The following NFATC2 variants were observed in gnomAD, a reference collection of about 807,000 sequenced individuals.
NFATC2 encodes the protein nuclear factor of activated T cells 2, also known as nuclear factor of activated T-cells, cytoplasmic 2.
In NFATC2, 22 loss-of-function variants were observed where a neutral mutation model predicts 87.3. The ratio of observed to expected loss-of-function variants is 0.25; its 90% CI spans 0.18 to 0.36. NFATC2 has a LOEUF of 0.36. Ranked by LOEUF, NFATC2 falls within the 10% of genes least tolerant of loss-of-function variation. The pLI, the probability that NFATC2 is intolerant of heterozygous loss-of-function variation, is 1.00. For synonymous variants in NFATC2, 565 were observed against 542.2 expected (o/e 1.04, Z -0.58); for missense variants, 1,149 against 1,259.1 (o/e 0.91, Z 1.32).
chr20:51,540,578 G>A (rs1178502800), intron 1 of NFATC2, among the ~76,000 whole-genome samples: 2 of 150,836 alleles, frequency 1.3e-5, no homozygotes, highest in African/African-American at 4.9e-5. Context: ...CAGGGTATTG[G>A]GTATATGGGA....
In NFATC2 at chr20:51,532,661, AG is replaced by A. The variant is rs149750705; in HGVS notation, c.131-8552del. On this transcript the variant is annotated intron_variant, in intron 1 of 10. Transcript: ENST00000371564. Reference sequence around the variant, plus strand: ...GCAGACGGACACACAGCCAAGTCTGAGGTGGCCGCTCGCTCAGCGCCAACCC... The same window carrying A: ...GCAGACGGACACACAGCCAAGTCTGAGTGGCCGCTCGCTCAGCGCCAACCC... Among the ~76,000 whole-genome samples, 917 of 152,356 alleles carry A rather than the reference AG, an allele frequency of 6.0e-3. 7 individuals carry two copies. Among genetic ancestry groups the A allele is most frequent in the Non-Finnish European group, 0.011 (735 of 68,034 alleles).
intron 9 of NFATC2, among the ~76,000 whole-genome samples, chr20:51,402,945 G>A (rs1401284163): frequency 6.6e-6 from 1 of 152,148 alleles, no homozygotes; most frequent in Non-Finnish European, 1.5e-5. Flanking sequence ...TTCCAGTCCA[G>A]TCTCCATCTC....
chr20:51,394,600 C>G lies in NFATC2; in HGVS notation c.*45-3149G>C, dbSNP rs77942466. On this transcript the variant is annotated intron_variant, in intron 10 of 10. Coordinates refer to ENST00000371564, the MANE Select transcript of NFATC2 (RefSeq NM_012340.5). ...GCTGCGCTGATGCTCTCCTTCCCCC[C>G]ATATCCCTTAGATGATGCCTTGGTG... 4.6e-3 allele frequency among the ~76,000 whole-genome samples: 701 copies of G among 152,072 alleles called. 5 individuals are homozygous for G. The highest frequency in any genetic ancestry group is 0.016 in the African/African-American group (650 of 41,348).
chr20:51,535,319 T>C (rs1041526698), intron 1 of NFATC2, among the ~76,000 whole-genome samples: 6 of 152,256 alleles, frequency 3.9e-5, no homozygotes, highest in African/African-American at 1.4e-4. Flanking sequence ...CAGCCACCTC[T>C]GCGAGTTTGG....
intron 6 of NFATC2, among the ~76,000 whole-genome samples, chr20:51,436,409 T>TTA (rs1555876805): frequency 9.7e-4 from 145 of 149,630 alleles, no homozygotes; most frequent in East Asian, 6.0e-3. Context: ...TTTTTTTTTT[T>TTA]AAAAAGGCAT....
intron 3 of NFATC2, among the ~76,000 whole-genome samples, chr20:51,505,000 T>C (rs886715963): frequency 2.7e-5 from 1 of 37,554 alleles, no homozygotes; most frequent in Non-Finnish European, 4.5e-5. Context: ...ATCTAGTTCC[T>C]TTTTTTTTTT....
At chr20:51,462,507 C>G (rs995187176) in intron 5 of NFATC2, among the ~76,000 whole-genome samples, 27 of 152,228 alleles carry the variant, frequency 1.8e-4, no homozygotes, top group Admixed American at 1.3e-3. Flanking sequence ...ATTGCAGGCA[C>G]AACATATACA....
chr20:51,432,511 G>C lies in NFATC2; in HGVS notation c.2278C>G (p.Pro760Ala). 1 of 1,556,502 alleles carries C rather than the reference G, an allele frequency of 6.4e-7. No individual in the cohort carries two copies. The highest frequency in any genetic ancestry group is 1.4e-5 in the African/African-American group (1 of 73,260). ...VLYQRSKSLS[P>A]SLLGYQQPAL... ...GGCTGCTGATAGCCCAGCAGGCTGG[G>C]GCTCAGGCTCTTGCTCCGCTGGTAG... The change falls in exon 9 of 11, where the codon CCC becomes GCC. Residue 760 changes from proline to alanine, a missense_variant. This residue lies in a region of NFATC2 where 581 missense variants were observed against 649.7 expected (regional missense o/e 0.89). Transcript: ENST00000371564. The surrounding 1 kb of genome is among the most constrained non-coding windows in gnomAD (Gnocchi z 4.6).
At chr20:51,419,302 T>C (rs1980529465) in intron 9 of NFATC2, among the ~76,000 whole-genome samples, 1 of 152,212 alleles carries the variant, frequency 6.6e-6, no homozygotes, top group Non-Finnish European at 1.5e-5. Flanking sequence ...ATATAAAAAC[T>C]ATACTTCCCA....
Position 51,454,693 on chromosome 20 carries a change from A to G in NFATC2, c.1709-5T>C, listed in dbSNP as rs1381230462. 6.2e-7 allele frequency: 1 copy of G among 1,613,666 alleles called. No homozygotes were observed. The highest frequency in any genetic ancestry group is 8.5e-7 in the Non-Finnish European group (1 of 1,179,890). On this transcript the variant is annotated splice_region_variant and splice_polypyrimidine_tract_variant and intron_variant, in intron 5 of 10. Transcript: ENST00000371564. ...GCTCGTGAGCAGATCGCTGGGCTGC[A>G]GGCAAAAGAGAGAGAAGTCACTGTG... is the stretch of plus-strand genomic sequence containing the variant.
intron 6 of NFATC2, among the ~76,000 whole-genome samples, chr20:51,451,815 G>A (rs6126235): frequency 2.6e-5 from 4 of 152,308 alleles, no homozygotes; most frequent in East Asian, 1.9e-4. Context: ...CTGATCATCC[G>A]TTACTGTCTC....
In NFATC2 at chr20:51,474,016, C is replaced by G; in HGVS notation, c.1672G>C (p.Val558Leu). The G allele has an allele frequency of 6.2e-7, 1 of 1,614,234 alleles. No individual in the cohort carries two copies. The highest frequency in any genetic ancestry group is 8.5e-7 in the Non-Finnish European group (1 of 1,180,040). ...GGGTTAGATGCAGTCTGTAAAGAGACGATTCTGCCACTGGACTCTGGGATG... is the reference window on the plus strand; with the variant it reads ...GGGTTAGATGCAGTCTGTAAAGAGAGGATTCTGCCACTGGACTCTGGGATG... ...VHIPESSGRI[V>L]SLQTASNPIE... The change falls in exon 5 of 11, where the codon GTC becomes CTC. Residue 558 changes from valine (V) to leucine (L), a missense_variant. By Grantham distance (32) the Val-to-Leu change is conservative (BLOSUM62 1). This residue lies in a region of NFATC2 where 581 missense variants were observed against 649.7 expected (regional missense o/e 0.89). Coordinates refer to ENST00000371564, the MANE Select transcript of NFATC2 (RefSeq NM_012340.5).
At chr20:51,491,821 A>AT (rs2075889616) in intron 3 of NFATC2, among the ~76,000 whole-genome samples, 1 of 149,692 alleles carries the variant, frequency 6.7e-6, no homozygotes, top group Non-Finnish European at 1.5e-5. Flanking sequence ...TCTCCCATTG[A>AT]TTTTCACATC....
intron 3 of NFATC2, among the ~76,000 whole-genome samples, chr20:51,515,635 C>T (rs138040248): frequency 1.0e-3 from 156 of 149,452 alleles, no homozygotes; most frequent in African/African-American, 3.8e-3. Context: ...GGTCAAGAAC[C>T]AAAACTCAAT....
intron 10 of NFATC2, among the ~76,000 whole-genome samples, chr20:51,391,663 C>A (rs726346): frequency 6.6e-6 from 1 of 151,572 alleles, no homozygotes; most frequent in African/African-American, 2.4e-5. Context: ...TACAGGTGCA[C>A]GCCACCACAC....
At chr20:51,518,796 T>C (rs1343719035) in intron 2 of NFATC2, among the ~76,000 whole-genome samples, 1 of 152,230 alleles carries the variant, frequency 6.6e-6, no homozygotes, top group Non-Finnish European at 1.5e-5. Flanking sequence ...CCATGAAGTA[T>C]ATTTTTAATT....
At chr20:51,426,993 A>T in intron 9 of NFATC2, among the ~76,000 whole-genome samples, 1 of 152,034 alleles carries the variant, frequency 6.6e-6, no homozygotes, top group Non-Finnish European at 1.5e-5. Context: ...ACTCTCTCTC[A>T]CACACACAAG....
At position 51,432,294 on chromosome 20, in the gene NFATC2, A is replaced by C; in HGVS notation, c.2495T>G (p.Met832Arg). 2 of 1,614,190 alleles carry C rather than the reference A, an allele frequency of 1.2e-6. No individual in the cohort carries two copies. Among genetic ancestry groups the C allele is most frequent in the Non-Finnish European group, 8.5e-7 (1 of 1,180,038 alleles). The change falls in exon 9 of 11, where the codon ATG becomes AGG. Residue 832 changes from methionine to arginine, a missense_variant. This residue lies in a region of NFATC2 where 581 missense variants were observed against 649.7 expected (regional missense o/e 0.89). Coordinates refer to ENST00000371564, the MANE Select transcript of NFATC2 (RefSeq NM_012340.5). This position sits in a 1 kb window ranked among gnomAD's most constrained non-coding sequence, Gnocchi z 4.6. Reference protein sequence around the residue: ...CGSHQEFQHIMYCENFAPGTT... With the variant: ...CGSHQEFQHIRYCENFAPGTT... Reference sequence around the variant, plus strand: ...GCCTGGTGCGAAATTCTCGCAGTACATGATGTGCTGGAACTCCTGGTGGCT... The same window carrying C: ...GCCTGGTGCGAAATTCTCGCAGTACCTGATGTGCTGGAACTCCTGGTGGCT...
chr20:51,528,039 T>G (rs918984702), intron 1 of NFATC2, among the ~76,000 whole-genome samples: 1 of 144,974 alleles, frequency 6.9e-6, no homozygotes, highest in African/African-American at 2.6e-5. Context: ...TGAGCCATGA[T>G]CGTACCACCA....
Sources: allele counts gnomAD v4.1 joint callset (sites outside exome capture counted in the v4.1 genomes callset), GRCh38; gene constraint gnomAD v4.1.1; regional missense constraint gnomAD v4.1.1; non-coding constraint Gnocchi (gnomAD v3.1); transcripts MANE v1.5; gene names NCBI Gene and HGNC (gene_info 2026-07-23, HGNC 2026-07-21).